The following FHIT variants were observed in gnomAD, a reference collection of about 807,000 sequenced individuals.
The protein encoded by FHIT is bis(5'-adenosyl)-triphosphatase.
In FHIT, 19 loss-of-function variants were observed where a neutral mutation model predicts 17.9. The observed-to-expected ratio is 1.06, with a 90% CI of 0.74 to 1.56. The LOEUF is 1.56. Among genes scored for constraint, FHIT ranks in the 40% most tolerant of loss-of-function variants. The probability of loss-of-function intolerance (pLI) is 0.00; values close to 1 mark genes in which losing one functional copy is unlikely to be tolerated. For missense variants in FHIT, 248 were observed against 189.2 expected, an observed-to-expected ratio of 1.31 and a Z score of -1.82; for synonymous variants, 81 against 69.7, an observed-to-expected ratio of 1.16 and a Z score of -0.81.
chr3:59,856,582 G>A (rs1702166613), intron 8 of FHIT, among the ~76,000 whole-genome samples: 1 of 152,128 alleles, frequency 6.6e-6, no homozygotes, highest in African/African-American at 2.4e-5. Context: ...TCAATTGTAA[G>A]GCATAACAAA....
At chr3:60,393,362 T>G (rs1320715001) in intron 5 of FHIT, among the ~76,000 whole-genome samples, 2 of 150,860 alleles carry the variant, frequency 1.3e-5, no homozygotes, top group Non-Finnish European at 3.0e-5. Context: ...CTTTGTGCAC[T>G]AATTGAAAAA....
At chr3:60,876,815 A>G (rs969365807) in intron 3 of FHIT, among the ~76,000 whole-genome samples, 2 of 152,196 alleles carry the variant, frequency 1.3e-5, no homozygotes, top group Non-Finnish European at 2.9e-5. Flanking sequence ...TTTAATGTAC[A>G]TAACTGAAGG....
chr3:61,046,666 A>G (rs2033802846), intron 2 of FHIT, among the ~76,000 whole-genome samples: 1 of 152,330 alleles, frequency 6.6e-6, no homozygotes, highest in South Asian at 2.1e-4. Context: ...CCTGATAGCA[A>G]AGCCTGGCAG....
chr3:61,152,150 T>C (rs2037412601), intron 2 of FHIT, among the ~76,000 whole-genome samples: 1 of 152,190 alleles, frequency 6.6e-6, no homozygotes, highest in Admixed American at 6.5e-5. Flanking sequence ...GAATCTAATT[T>C]GGGGCAGAGA....
At chr3:59,950,288 C>A (rs940400116) in intron 7 of FHIT, among the ~76,000 whole-genome samples, 4 of 152,162 alleles carry the variant, frequency 2.6e-5, no homozygotes, top group Non-Finnish European at 5.9e-5. Context: ...AAACAATTGC[C>A]ATTAAACAGG....
At chr3:60,732,602 A>G (rs1559678996) in intron 4 of FHIT, 7 of 554,858 alleles carry the variant, frequency 1.3e-5, no homozygotes, top group Admixed American at 7.9e-5. Context: ...CTCCGTGTCA[A>G]TGGCAATGTG....
chr3:60,737,773 A>G (rs115184804), intron 4 of FHIT, among the ~76,000 whole-genome samples: 113 of 152,220 alleles, frequency 7.4e-4, no homozygotes, highest in African/African-American at 2.7e-3. Flanking sequence ...GATAAGTACG[A>G]GGTATTGTGG....
chr3:60,154,278 G>A (rs1700588423), intron 5 of FHIT, among the ~76,000 whole-genome samples: 1 of 152,140 alleles, frequency 6.6e-6, no homozygotes, highest in East Asian at 1.9e-4. Flanking sequence ...TTCCTTCCTT[G>A]ACCTACACAT....
At chr3:61,020,264 T>C (rs1347020556) in intron 3 of FHIT, among the ~76,000 whole-genome samples, 1 of 152,244 alleles carries the variant, frequency 6.6e-6, no homozygotes, top group Non-Finnish European at 1.5e-5. Flanking sequence ...ATTGTAGTTC[T>C]GATTTGCATT....
intron 5 of FHIT, among the ~76,000 whole-genome samples, chr3:60,027,108 GACACAC>G (rs754046097): frequency 0.011 from 984 of 88,084 alleles, 20 homozygotes; most frequent in Middle Eastern, 0.048. Context: ...TTCACACACA[GACACAC>G]ACACACACAC....
rs546803022 is a variant in FHIT, at chr3:60,077,744, G to C, written c.104-63592C>G. Among the ~76,000 whole-genome samples, 488 of 140,602 alleles carry C rather than the reference G, an allele frequency of 3.5e-3. 4 individuals carry two copies. Among genetic ancestry groups the C allele is most frequent in the Non-Finnish European group, 5.9e-3 (393 of 66,642 alleles). The allele number at this position is 140,602 out of a possible 152,430, so 92.2% of individuals were successfully genotyped here. On this transcript the variant is annotated intron_variant, in intron 5 of 9. Transcript: ENST00000492590. ...CACACACACACATATATAGAGGGGGGGGGGAGGATACAAAGTAACATGTAG... is the reference window on the plus strand; with the variant it reads ...CACACACACACATATATAGAGGGGGCGGGGAGGATACAAAGTAACATGTAG...
intron 3 of FHIT, among the ~76,000 whole-genome samples, chr3:60,927,997 T>C (rs1707740324): frequency 6.6e-6 from 1 of 152,250 alleles, no homozygotes; most frequent in South Asian, 2.1e-4. Context: ...GCTGTTAATC[T>C]ATAACATTAC....
intron 2 of FHIT, among the ~76,000 whole-genome samples, chr3:61,055,780 G>A (rs1166248403): frequency 2.0e-5 from 3 of 152,170 alleles, no homozygotes; most frequent in African/African-American, 7.2e-5. Context: ...CAGATTCTAG[G>A]TGTTCTAATG....
intron 2 of FHIT, among the ~76,000 whole-genome samples, chr3:61,156,944 A>C (rs1045589139): frequency 1.3e-5 from 2 of 152,202 alleles, no homozygotes; most frequent in African/African-American, 4.8e-5. Context: ...TTACATGCCT[A>C]CTAAAGTTTG....
Position 60,801,065 on chromosome 3 carries a change from G to A in FHIT, c.-18+20854C>T, listed in dbSNP as rs7618698. On this transcript the variant is annotated intron_variant, in intron 4 of 9. Transcript: ENST00000492590. Reference sequence around the variant, plus strand: ...CAATATAAGTATACATTCTCAAGTCGATAACAACTACAGGCACCTAGGGCT... The same window carrying A: ...CAATATAAGTATACATTCTCAAGTCAATAACAACTACAGGCACCTAGGGCT... Among the ~76,000 whole-genome samples the A allele has an allele frequency of 9.9e-3, 1,511 of 152,188 alleles. 30 individuals are homozygous for A. Among genetic ancestry groups the A allele is most frequent in the African/African-American group, 0.034 (1,409 of 41,522 alleles).
At chr3:60,712,956 C>G (rs1250353297) in intron 4 of FHIT, among the ~76,000 whole-genome samples, 3 of 150,728 alleles carry the variant, frequency 2.0e-5, no homozygotes, top group African/African-American at 7.3e-5. Context: ...CTCTCCAACT[C>G]AAATCAACAG....
chr3:60,281,697 A>C (rs1707464373), intron 5 of FHIT, among the ~76,000 whole-genome samples: 1 of 152,116 alleles, frequency 6.6e-6, no homozygotes, highest in Non-Finnish European at 1.5e-5. Flanking sequence ...CACAGAACTA[A>C]ATGTAAAATG....
At chr3:60,436,572 GTTTAC>G (rs4021920) in intron 5 of FHIT, among the ~76,000 whole-genome samples, 75,195 of 151,564 alleles carry the variant, frequency 0.5, 20,925 homozygotes, top group Non-Finnish European at 0.62. Flanking sequence ...TAAAGGAAAT[GTTTAC>G]TTTGATATTT....
Position 59,841,556 on chromosome 3 carries a change from G to A in FHIT, c.348+80790C>T, listed in dbSNP as rs543533303. On this transcript the variant is annotated intron_variant, in intron 8 of 9. Transcript: ENST00000492590. ...CCACTGGCTTGGGTGAAGCTTTGGA[G>A]GGCCTACCTCAAAGTCCAGCTTCTA... Among the ~76,000 whole-genome samples, 5 of 152,250 alleles carry A rather than the reference G, an allele frequency of 3.3e-5. No homozygotes were observed. In the South Asian group the frequency reaches 8.3e-4, roughly 25 times the overall value.
Sources: allele counts gnomAD v4.1 joint callset (sites outside exome capture counted in the v4.1 genomes callset), GRCh38; gene constraint gnomAD v4.1.1; transcripts MANE v1.5; gene names NCBI Gene and HGNC (gene_info 2026-07-23, HGNC 2026-07-21).